The following CCNG2 variants were observed in gnomAD, a reference collection of about 807,000 sequenced individuals.
CCNG2 encodes the protein cyclin G2, also known as cyclin-G2.
A neutral mutation model predicts 36.5 loss-of-function variants in CCNG2; 20 were observed. The observed-to-expected ratio is 0.55, with a 90% confidence interval of 0.39 to 0.80. The LOEUF is 0.80. Among genes scored for constraint, CCNG2 ranks in the 30% least tolerant of loss-of-function variants. The probability of loss-of-function intolerance (pLI) is 0.00; values close to 1 mark genes in which losing one functional copy is unlikely to be tolerated. For synonymous variants in CCNG2, 155 were observed against 140.1 expected, an observed-to-expected ratio of 1.11 and a Z score of -0.75; for missense variants, 358 against 390.8, an observed-to-expected ratio of 0.92 and a Z score of 0.71.
rs2109927728 is a variant in CCNG2, at chr4:77,168,583, ACT to A, written c.*2662_*2663del. The A allele has an allele frequency of 6.6e-6, 1 of 152,268 alleles. No individual in the cohort carries two copies. The highest frequency in any genetic ancestry group is 3.4e-3 in the Middle Eastern group (1 of 294). The allele number at this position is 152,268 out of a possible 1,614,324, so 9.4% of individuals were successfully genotyped here. The stretch of plus-strand genomic sequence containing the variant: ...CTTAAAAAATGTGTATTGAGAAAGA[ACT>A]CTGTTAGCTATACAGAAGATGAACT... On this transcript the variant is annotated 3_prime_UTR_variant, in exon 8 of 8. Transcript: ENST00000316355.
chr4:77,158,434 G>A, intron 1 of CCNG2, 99 bp from the exon 2 acceptor site: 1 of 1,229,692 alleles, frequency 8.1e-7, no homozygotes, highest in Non-Finnish European at 1.2e-6. Context: ...GGGTGTGCTG[G>A]GGCGACCCTT....
intron 1 of CCNG2, among the ~76,000 whole-genome samples, chr4:77,157,836 C>T (rs1414934309): frequency 3.3e-5 from 5 of 152,074 alleles, no homozygotes; most frequent in Admixed American, 6.5e-5. Context: ...TGTGGGGCCC[C>T]GGCATCAGTG....
At chr4:77,161,102 T>G (rs1018737313) in intron 4 of CCNG2, 131 bp downstream of exon 4, 2 of 501,300 alleles carry the variant, frequency 4.0e-6, no homozygotes, top group East Asian at 8.5e-5. Flanking sequence ...GGTAAATCTT[T>G]TTTTTTTTTT....
chr4:77,159,633 G>A (rs368087320), intron 3 of CCNG2, 129 bp downstream of exon 3: 22 of 787,012 alleles, frequency 2.8e-5, no homozygotes, highest in South Asian at 2.0e-4. Flanking sequence ...AATCAGAATT[G>A]TGATCGTTAG....
intron 6 of CCNG2, among the ~76,000 whole-genome samples, chr4:77,163,958 G>A (rs1229254342): frequency 6.6e-6 from 1 of 152,214 alleles, no homozygotes; most frequent in Non-Finnish European, 1.5e-5. Flanking sequence ...TTTTAGGTCA[G>A]TGTTTTCTTA....
In CCNG2 at chr4:77,168,706, C is replaced by T. The variant is rs1731691072; in HGVS notation, c.*2782C>T. ...AGAGGTGAAAATTGAGAAGCGCTAT[C>T]CTTTCTCTTTGGGCATTATTAGGAG... On this transcript the variant is annotated 3_prime_UTR_variant, in exon 8 of 8. Transcript: ENST00000316355. 6.6e-6 allele frequency: 1 copy of T among 152,304 alleles called. No individual in the cohort carries two copies. The highest frequency in any genetic ancestry group is 2.1e-4 in the South Asian group (1 of 4,826). 9.4% of individuals were successfully genotyped at this position (152,304 alleles called of 1,614,324 possible).
chr4:77,163,350 C>G (rs1731537861), intron 6 of CCNG2, among the ~76,000 whole-genome samples: 1 of 151,948 alleles, frequency 6.6e-6, no homozygotes, highest in South Asian at 2.1e-4. Context: ...TATAAGAGAT[C>G]CAATATAATG....
At chr4:77,164,243 GC>G (rs1731562705) in intron 6 of CCNG2, 30 bp from the exon 7 acceptor site, 3 of 1,547,638 alleles carry the variant, frequency 1.9e-6, no homozygotes, top group Non-Finnish European at 2.7e-6. Flanking sequence ...GGGAGACATT[GC>G]CGTAACCTCT....
rs1731409354 is a variant in CCNG2 at position 77,160,739 on chromosome 4, T to C, written c.295T>C (p.Ser99Pro). ...ALMKVKPKHLSCIGVCSFLLA... is the reference protein window; with the variant it reads ...ALMKVKPKHLPCIGVCSFLLA... ...TTCTCAGGTGAAACCTAAACATTTG[T>C]CTTGCATTGGAGTCTGTTCTTTTTT... The change falls in exon 4 of 8, where the codon TCT becomes CCT. Residue 99 changes from serine to proline, a missense_variant. Coordinates refer to ENST00000316355, the MANE Select transcript of CCNG2 (RefSeq NM_004354.3). 1.2e-6 allele frequency: 2 copies of C among 1,612,908 alleles called. No homozygotes were observed. Among genetic ancestry groups the C allele is most frequent in the Non-Finnish European group, 1.7e-6 (2 of 1,179,752 alleles).
Position 77,157,363 on chromosome 4 carries a change from C to A in CCNG2, c.-144C>A, listed in dbSNP as rs1179645992. 1 of 152,606 alleles carries A rather than the reference C, an allele frequency of 6.6e-6. No homozygotes were observed. The highest frequency in any genetic ancestry group is 2.4e-5 in the African/African-American group (1 of 41,444). The allele number at this position is 152,606 out of a possible 1,614,324, so 9.5% of individuals were successfully genotyped here. On this transcript the variant is annotated 5_prime_UTR_variant, in exon 1 of 8. The change creates a new upstream start codon in the 5' untranslated region. Coordinates refer to ENST00000316355, the MANE Select transcript of CCNG2 (RefSeq NM_004354.3). Reference sequence around the variant, plus strand: ...GGCTGTGAGGCCGAGGCGGCGGTGCCTGGGAGGAAGGGTCGGATGCCGGAC... The same window carrying A: ...GGCTGTGAGGCCGAGGCGGCGGTGCATGGGAGGAAGGGTCGGATGCCGGAC...
rs1382392844 is a variant in CCNG2 at position 77,168,607 on chromosome 4, A to G, written c.*2683A>G. ...AACTCTGTTAGCTATACAGAAGATG[A>G]ACTGGGCAATATAGAGTAGCAGCAT... On this transcript the variant is annotated 3_prime_UTR_variant, in exon 8 of 8. Transcript: ENST00000316355. 6.6e-6 allele frequency: 1 copy of G among 152,172 alleles called. No homozygotes were observed. Among genetic ancestry groups the G allele is most frequent in the Non-Finnish European group, 1.5e-5 (1 of 68,028 alleles). 9.4% of individuals were successfully genotyped at this position (152,172 alleles called of 1,614,324 possible).
chr4:77,164,555 G>C, intron 7 of CCNG2, 76 bp downstream of exon 7: 1 of 1,082,640 alleles, frequency 9.2e-7, no homozygotes, highest in Non-Finnish European at 1.4e-6. Flanking sequence ...AACTGGAATA[G>C]TGTAAGACAT....
At chr4:77,165,773 C>A in intron 7 of CCNG2, 28 bp from the exon 8 acceptor site, 2 of 1,522,398 alleles carry the variant, frequency 1.3e-6, no homozygotes, top group South Asian at 2.5e-5. Flanking sequence ...TAATGGTATC[C>A]TCTTTTTTTG....
In CCNG2 at chr4:77,161,965, TA is replaced by T. The variant is rs546742985; in HGVS notation, c.705+219del. On this transcript the variant is annotated intron_variant, in intron 6 of 7. Coordinates refer to ENST00000316355, the MANE Select transcript of CCNG2 (RefSeq NM_004354.3). ...TCACTTAGCTCAGCTTCTTTCTGCATATAGGTGCCCCTTCTGTAGTAATCAT... is the reference window on the plus strand; with the variant it reads ...TCACTTAGCTCAGCTTCTTTCTGCATTAGGTGCCCCTTCTGTAGTAATCAT... Among the ~76,000 whole-genome samples, 710 of 152,360 alleles carry T rather than the reference TA, an allele frequency of 4.7e-3. 5 individuals are homozygous for T. Among genetic ancestry groups the T allele is most frequent in the African/African-American group, 0.017 (688 of 41,578 alleles).
intron 1 of CCNG2, among the ~76,000 whole-genome samples, chr4:77,158,006 A>G (rs189977864): frequency 2.0e-5 from 3 of 151,192 alleles, no homozygotes; most frequent in African/African-American, 7.3e-5. Context: ...AGCGGACGGG[A>G]AAAGCTGGGG....
chr4:77,164,328 G>A lies in CCNG2; in HGVS notation c.760G>A (p.Glu254Lys), dbSNP rs142069778. 5 of 1,613,918 alleles carry A rather than the reference G, an allele frequency of 3.1e-6. No homozygotes were observed. The Admixed American group carries it at 5.0e-5, about 16-fold the overall frequency. Residue 254 changes from glutamate to lysine, a missense_variant, in exon 7 of 8, where the codon GAG becomes AAG. By Grantham distance (56) the Glu-to-Lys change is moderately conservative. Transcript: ENST00000316355. ...AGAGTTGGTTTCTAAATGCCTAGCC[G>A]AGTATTCTTCTCCTGAATGTTGCAA... is the stretch of plus-strand genomic sequence containing the variant. The part of the protein sequence containing the change: ...WRELVSKCLA[E>K]YSSPECCKPD...
rs139497489 is a variant in CCNG2 at position 77,164,274 on chromosome 4, A to G, written c.706A>G (p.Ile236Val). ...ILLLVKKHSK[I>V]NDTEFFYWRE... The stretch of plus-strand genomic sequence containing the variant: ...ACCTCTTAAAATATTTTTTTTTCAG[A>G]TTAATGACACTGAGTTCTTCTACTG... The change falls in exon 7 of 8, where the codon ATT becomes GTT. Residue 236 changes from isoleucine (I) to valine (V), a missense_variant and splice_region_variant. Transcript: ENST00000316355. The G allele has an allele frequency of 6.6e-5, 106 of 1,610,588 alleles. No individual in the cohort carries two copies. Among genetic ancestry groups the G allele is most frequent in the Admixed American group, 2.9e-4 (17 of 59,632 alleles).
chr4:77,160,962 C>A lies in CCNG2; in HGVS notation c.518C>A (p.Thr173Asn). Residue 173 changes from threonine (T) to asparagine (N), a missense_variant, in exon 4 of 8, where the codon ACT becomes AAT. Thr to Asn is a moderately conservative substitution (Grantham distance 65). Transcript: ENST00000316355. The part of the protein sequence containing the change: ...HLYHTIILCH[T>N]SERKEILSLD... ...TACCATACTATTATACTTTGTCATA[C>A]TTCAGAAAGGTCAGTGGGATTAAAG... 6.2e-7 allele frequency: 1 copy of A among 1,600,574 alleles called. No homozygotes were observed. Among genetic ancestry groups the A allele is most frequent in the Non-Finnish European group, 8.5e-7 (1 of 1,176,982 alleles).
At position 77,160,798 on chromosome 4, in the gene CCNG2, T is replaced by C. The variant is rs781208663; in HGVS notation, c.354T>C (p.Asn118=). 1.2e-6 allele frequency: 2 copies of C among 1,613,706 alleles called. No individual in the cohort carries two copies. The highest frequency in any genetic ancestry group is 2.7e-5 in the African/African-American group (2 of 74,914). Residue 118 remains asparagine (N), a synonymous_variant, in exon 4 of 8, where the codon AAT becomes AAC. Transcript: ENST00000316355. ...LAARIVEEDC[N]IPSTHDVIRI... is the part of the protein sequence containing the mutation. ...CTAGAATAGTTGAAGAAGACTGCAA[T>C]ATTCCATCCACTCATGATGTGATCC... is the stretch of plus-strand genomic sequence containing the variant.
Sources: allele counts gnomAD v4.1 joint callset (sites outside exome capture counted in the v4.1 genomes callset), GRCh38; gene constraint gnomAD v4.1.1; transcripts MANE v1.5; gene names NCBI Gene and HGNC (gene_info 2026-07-23, HGNC 2026-07-21).